INCA1: variants seen among roughly 807,000 people sequenced by gnomAD.
INCA1 encodes protein INCA1.
Under a neutral mutation model 25.7 loss-of-function variants are expected in INCA1, and 28 were observed. The ratio of observed to expected loss-of-function variants is 1.09; its 90% CI spans 0.81 to 1.49. The LOEUF (loss-of-function observed/expected upper bound fraction) is 1.49. INCA1 is among the 40% of genes most tolerant of loss of function. INCA1 has a pLI of 0.00. For missense variants in INCA1, 309 were observed against 290.9 expected (o/e 1.06, Z -0.45); for synonymous variants, 111 against 103.6 (o/e 1.07, Z -0.43).
exon 7 of INCA1, chr17:4,988,262 C>A (rs1973505736): frequency 5.6e-6 from 5 of 893,374 alleles, no homozygotes; most frequent in African/African-American, 1.7e-5. Flanking sequence ...GCTGTTAATG[C>A]CTAGTTCAGA....
At chr17:4,995,051 C>G (rs565028981) in intron 1 of INCA1, among the ~76,000 whole-genome samples, 96 of 151,692 alleles carry the variant, frequency 6.3e-4, no homozygotes, top group South Asian at 3.8e-3. Context: ...ACTAAAAATA[C>G]AAAATTAGCT....
At chr17:4,991,901 C>T (rs1040850163) in intron 2 of INCA1, among the ~76,000 whole-genome samples, 1 of 152,200 alleles carries the variant, frequency 6.6e-6, no homozygotes, top group African/African-American at 2.4e-5. Flanking sequence ...CATTCCCACT[C>T]CTACCACCAT....
exon 7 of INCA1, chr17:4,988,537 C>G (rs890229849): frequency 1.9e-6 from 3 of 1,610,818 alleles, no homozygotes; most frequent in East Asian, 2.2e-5. Context: ...CCAGGGGGCT[C>G]CAGGGAGACC....
intron 1 of INCA1, 87 bp from the exon 2 acceptor site, chr17:4,994,562 C>A (rs901076132): frequency 2.3e-5 from 22 of 965,556 alleles, no homozygotes; most frequent in Middle Eastern, 2.8e-4. Flanking sequence ...GAGGCCAAGG[C>A]GGGCGGATCA....
upstream of INCA1, chr17:4,997,359 C>G (rs927975589): frequency 2.0e-5 from 3 of 152,300 alleles, no homozygotes; most frequent in Admixed American, 1.3e-4. Flanking sequence ...GAGGGCAGCT[C>G]CGGCCTTAGG....
exon 7 of INCA1, chr17:4,988,492 G>A (rs1973529848): frequency 6.2e-7 from 1 of 1,614,050 alleles, no homozygotes; most frequent in Non-Finnish European, 8.5e-7. Flanking sequence ...AGGCCAGAGA[G>A]TGCAGCTGCC....
rs1188340342 is a variant in INCA1, at chr17:4,990,607, C to T, written c.45-342G>A. 4.6e-5 allele frequency among the ~76,000 whole-genome samples: 7 copies of T among 151,954 alleles called. No individual in the cohort carries two copies. In the East Asian group the frequency reaches 7.8e-4, roughly 17 times the overall value. ...ATAAAGTACACTAACACTGGCCGGG[C>T]GTGGTGGCTCATGCCTGTAATCCCA... On this transcript the variant is annotated intron_variant, in intron 2 of 6. Coordinates refer to ENST00000576820, the Ensembl canonical transcript of INCA1.
At chr17:4,994,313 T>A in intron 2 of INCA1, 81 bp downstream of exon 2, 3 of 1,308,228 alleles carry the variant, frequency 2.3e-6, no homozygotes, top group Non-Finnish European at 3.3e-6. Flanking sequence ...CTTTATTTCC[T>A]AATCCTCTTA....
At chr17:4,993,472 C>A (rs1974012607) in intron 2 of INCA1, among the ~76,000 whole-genome samples, 1 of 151,970 alleles carries the variant, frequency 6.6e-6, no homozygotes, top group African/African-American at 2.4e-5. Context: ...GCCATTGGGC[C>A]CGGCCTTTTT....
chr17:4,993,442 G>A (rs1331707020), intron 2 of INCA1, among the ~76,000 whole-genome samples: 1 of 152,142 alleles, frequency 6.6e-6, no homozygotes, highest in Non-Finnish European at 1.5e-5. Context: ...GCCTTCCAAA[G>A]TGCTGAGATT....
At chr17:4,989,276 T>A (rs1397824802) in intron 5 of INCA1, 152 bp downstream of exon 5, 1 of 746,578 alleles carries the variant, frequency 1.3e-6, no homozygotes, top group Non-Finnish European at 2.2e-6. Flanking sequence ...TCTGTTTCAA[T>A]CACACCAAAG....
rs778843294 is a variant in INCA1 at position 4,989,887 on chromosome 17, T to TA, written c.198+2dup. ...ATGTTAAACGGCAGAGGGTCTGTCT[T>TA]ACCAGCATGGGTGGAATGTGCTGCT... On this transcript the variant is annotated splice_region_variant and intron_variant, in intron 4 of 6. Coordinates refer to ENST00000576820, the Ensembl canonical transcript of INCA1. The TA allele has an allele frequency of 7.4e-6, 12 of 1,614,068 alleles. No individual in the cohort carries two copies. Among genetic ancestry groups the TA allele is most frequent in the Non-Finnish European group, 1.0e-5 (12 of 1,180,036 alleles).
At chr17:4,988,260 T>C (rs957143168) in exon 7 of INCA1, 3 of 864,482 alleles carry the variant, frequency 3.5e-6, no homozygotes, top group Middle Eastern at 7.2e-4. Flanking sequence ...GGGCTGTTAA[T>C]GCCTAGTTCA....
chr17:4,992,821 C>T (rs1449094501), intron 2 of INCA1, among the ~76,000 whole-genome samples: 1 of 151,956 alleles, frequency 6.6e-6, no homozygotes, highest in African/African-American at 2.4e-5. Flanking sequence ...GCAATCCTCC[C>T]ACCTTGGCCT....
At chr17:4,988,176 A>G, downstream of INCA1, 1 of 457,950 alleles carries the variant, frequency 2.2e-6, no homozygotes, top group Non-Finnish European at 3.8e-6. Context: ...ATACAAGGCC[A>G]GGAGCGGGGC....
intron 2 of INCA1, among the ~76,000 whole-genome samples, 173 bp downstream of exon 2, chr17:4,994,220 TG>T (rs1323039272): frequency 4.6e-5 from 7 of 152,356 alleles, no homozygotes; most frequent in African/African-American, 1.7e-4. Flanking sequence ...ATACAGTCCC[TG>T]GAACATTGTA....
intron 4 of INCA1, 68 bp downstream of exon 4, chr17:4,989,822 C>T: frequency 6.2e-7 from 1 of 1,610,570 alleles, no homozygotes; most frequent in Non-Finnish European, 8.5e-7. Flanking sequence ...ATAAGGAGAG[C>T]TTGGGACAGG....
intron 2 of INCA1, among the ~76,000 whole-genome samples, chr17:4,991,183 G>T (rs1973851139): frequency 6.6e-6 from 1 of 152,110 alleles, no homozygotes; most frequent in Non-Finnish European, 1.5e-5. Flanking sequence ...CTCCCAAAGT[G>T]CTGGGATTAC....
At chr17:4,991,094 T>C (rs758465958) in intron 2 of INCA1, among the ~76,000 whole-genome samples, 1 of 151,556 alleles carries the variant, frequency 6.6e-6, no homozygotes, top group Non-Finnish European at 1.5e-5. Flanking sequence ...AATTTTGTAT[T>C]TTTAGTAGAG....
Sources: gnomAD v4.1 joint callset for allele counts (sites outside exome capture counted in the v4.1 genomes callset) on GRCh38, gnomAD v4.1.1 for gene constraint, MANE v1.5 for transcripts, NCBI Gene and HGNC (gene_info 2026-07-23, HGNC 2026-07-21) for gene names.